The following TBL3 variants were observed in gnomAD, a reference collection of about 807,000 sequenced individuals.
The protein encoded by TBL3 is transducin beta-like protein 3.
TBL3 carries 71 observed loss-of-function variants against 102.7 expected under a neutral mutation model. The ratio of observed to expected loss-of-function variants is 0.69; its 90% CI spans 0.57 to 0.84. The LOEUF (loss-of-function observed/expected upper bound fraction) is 0.84. TBL3 is among the 40% of genes least tolerant of loss of function. TBL3 has a pLI of 0.00. For synonymous variants in TBL3, 578 were observed against 477.7 expected (o/e 1.21, Z -2.74); for missense variants, 1,188 against 1,098.5 (o/e 1.08, Z -1.15).
chr16:1,975,285 G>A, intron 8 of TBL3, 23 bp downstream of exon 8: 3 of 1,613,996 alleles, frequency 1.9e-6, no homozygotes, highest in African/African-American at 1.3e-5. Context: ...GGAGGCCAGG[G>A]CTGGTTGAGT....
Position 1,979,408 on chromosome 16 carries a change from C to T in TBL3, c.*723C>T. The T allele has an allele frequency of 1.2e-6, 2 of 1,603,274 alleles. No homozygotes were observed. Among genetic ancestry groups the T allele is most frequent in the Non-Finnish European group, 1.7e-6 (2 of 1,177,780 alleles). On this transcript the variant is annotated 3_prime_UTR_variant, in exon 22 of 22. Coordinates refer to ENST00000568546, the MANE Select transcript of TBL3 (RefSeq NM_006453.3). ...CGCCTCGGCTAGCCTGCCCTGCCCA[C>T]GCCCGCTCCCGCGTACCTGCATAGC...
chr16:1,979,969 A>G lies in TBL3; in HGVS notation c.*1284A>G. Reference sequence around the variant, plus strand: ...CCCTCGGGTCCAGGAGCAGAGGAGCAAATCCCTGGGTTCTTGGGGGGCCCT... The same window carrying G: ...CCCTCGGGTCCAGGAGCAGAGGAGCGAATCCCTGGGTTCTTGGGGGGCCCT... On this transcript the variant is annotated 3_prime_UTR_variant, in exon 22 of 22. Coordinates refer to ENST00000568546, the MANE Select transcript of TBL3 (RefSeq NM_006453.3). The G allele has an allele frequency of 6.3e-7, 1 of 1,590,774 alleles. No individual in the cohort carries two copies. The highest frequency in any genetic ancestry group is 8.6e-7 in the Non-Finnish European group (1 of 1,169,288).
At chr16:1,975,119 G>C in intron 7 of TBL3, 21 bp downstream of exon 7, 1 of 1,612,772 alleles carries the variant, frequency 6.2e-7, no homozygotes, top group Non-Finnish European at 8.5e-7. Flanking sequence ...GGCCCTGGTA[G>C]GAGGGGGAGG....
chr16:1,974,229 C>G lies in TBL3; in HGVS notation c.126C>G (p.Val42=). The change falls in exon 3 of 22, where the codon GTC becomes GTG. Residue 42 remains valine, a synonymous_variant. Coordinates refer to ENST00000568546, the MANE Select transcript of TBL3 (RefSeq NM_006453.3). ...AGACTGGCCAGCACCTCTTCTGCGTCTGTGGCACCAGAGTCAACATTCTGG... is the reference window on the plus strand; with the variant it reads ...AGACTGGCCAGCACCTCTTCTGCGTGTGTGGCACCAGAGTCAACATTCTGG... ...LDQTGQHLFC[V]CGTRVNILEV... 6.2e-7 allele frequency: 1 copy of G among 1,603,324 alleles called. No homozygotes were observed.
chr16:1,975,180 C>T lies in TBL3; in HGVS notation c.636-7C>T. 6.2e-7 allele frequency: 1 copy of T among 1,613,814 alleles called. No homozygotes were observed. Among genetic ancestry groups the T allele is most frequent in the Non-Finnish European group, 8.5e-7 (1 of 1,180,024 alleles). On this transcript the variant is annotated splice_polypyrimidine_tract_variant and splice_region_variant and intron_variant, in intron 7 of 21. Transcript: ENST00000568546. ...GACTTGACCTGAGGTTGCCGTTGCT[C>T]CTTCAGCTCCGGCCGTGACAAGATA... is the stretch of plus-strand genomic sequence containing the variant.
Position 1,976,303 on chromosome 16 carries a change from C to A in TBL3, c.1281C>A (p.Val427=). Reference sequence around the variant, plus strand: ...GTCACACACACAGTGTGGGCACCGTCTGCTGCTCTAGGTAGTGAGTCGGGG... The same window carrying A: ...GTCACACACACAGTGTGGGCACCGTATGCTGCTCTAGGTAGTGAGTCGGGG... ...GSGHTHSVGT[V]CCSRLKESFL... is the part of the protein sequence containing the mutation. The change falls in exon 13 of 22, where the codon GTC becomes GTA. Residue 427 remains valine (V), a synonymous_variant. Coordinates refer to ENST00000568546, the MANE Select transcript of TBL3 (RefSeq NM_006453.3). 4 of 1,613,462 alleles carry A rather than the reference C, an allele frequency of 2.5e-6. No individual in the cohort carries two copies. The highest frequency in any genetic ancestry group is 3.4e-6 in the Non-Finnish European group (4 of 1,179,774).
In TBL3 at chr16:1,975,074, G is replaced by C. The variant is rs751700167; in HGVS notation, c.611G>C (p.Ser204Thr). Residue 204 changes from serine (S) to threonine (T), a missense_variant, in exon 7 of 22, where the codon AGC becomes ACC. Coordinates refer to ENST00000568546, the MANE Select transcript of TBL3 (RefSeq NM_006453.3). ...AGCGCCGTCACCTCACTGGCCTTCA[G>C]CGCCGACGGCCACACCATGCTCAGG... ...HYSAVTSLAF[S>T]ADGHTMLSSG... The C allele has an allele frequency of 6.2e-7, 1 of 1,609,776 alleles. No individual in the cohort carries two copies. Among genetic ancestry groups the C allele is most frequent in the Non-Finnish European group, 8.5e-7 (1 of 1,179,986 alleles).
At chr16:1,973,706 C>G (rs1273334931) in intron 1 of TBL3, among the ~76,000 whole-genome samples, 2 of 152,036 alleles carry the variant, frequency 1.3e-5, no homozygotes, top group African/African-American at 4.8e-5. Context: ...GGCTGGCTAC[C>G]CAGGCCTGGC....
Position 1,979,769 on chromosome 16 carries a change from GGGGT to G in TBL3, c.*1088_*1091del. 6.7e-7 allele frequency: 1 copy of G among 1,487,400 alleles called. No individual in the cohort carries two copies. Among genetic ancestry groups the G allele is most frequent in the Non-Finnish European group, 9.0e-7 (1 of 1,107,082 alleles). The allele number at this position is 1,487,400 out of a possible 1,614,324, so 92.1% of individuals were successfully genotyped here. Reference sequence around the variant, plus strand: ...CGGTCAAGCCGCAGTGGTGGCGTGAGGGGTGGGGTTAGGCGCATACCGCTGCTCC... The same window carrying G: ...CGGTCAAGCCGCAGTGGTGGCGTGAGGGGGTTAGGCGCATACCGCTGCTCC... On this transcript the variant is annotated 3_prime_UTR_variant, in exon 22 of 22. Transcript: ENST00000568546.
chr16:1,977,998 C>T lies in TBL3; in HGVS notation c.1999C>T (p.Leu667=), dbSNP rs141024561. The change falls in exon 19 of 22, where the codon CTG becomes TTG. Residue 667 remains leucine (L), a synonymous_variant. Coordinates refer to ENST00000568546, the MANE Select transcript of TBL3 (RefSeq NM_006453.3). ...LDNLLHEKRY[L]RALGLAISLD... ...CAACCTGCTGCATGAGAAGCGGTAC[C>T]TGCGGGCGCTGGGCCTGGCCATCTC... The T allele has an allele frequency of 3.7e-5, 60 of 1,606,590 alleles. No individual in the cohort carries two copies. In the African/African-American group the frequency reaches 6.7e-4, roughly 18 times the overall value.
Position 1,980,267 on chromosome 16 carries a change from C to T in TBL3, c.*1582C>T. The T allele has an allele frequency of 6.6e-7, 1 of 1,517,596 alleles. No individual in the cohort carries two copies. The highest frequency in any genetic ancestry group is 8.8e-7 in the Non-Finnish European group (1 of 1,130,390). The allele number at this position is 1,517,596 out of a possible 1,614,324, so 94.0% of individuals were successfully genotyped here. ...GCCACCCCGGCAAGACCGCCAGCCT[C>T]CCACTCTCTGCCCCTATTCGCTGGC... On this transcript the variant is annotated 3_prime_UTR_variant, in exon 22 of 22. Transcript: ENST00000568546.
intron 20 of TBL3, 38 bp downstream of exon 20, chr16:1,978,258 G>A (rs746588735): frequency 1.2e-6 from 2 of 1,612,472 alleles, no homozygotes; most frequent in East Asian, 4.5e-5. Context: ...CGGTGGGCAA[G>A]GGCCAGTCAT....
rs1336440411 is a variant in TBL3, at chr16:1,974,908, C to T, written c.465-20C>T. 1 of 1,612,378 alleles carries T rather than the reference C, an allele frequency of 6.2e-7. No homozygotes were observed. Among genetic ancestry groups the T allele is most frequent in the South Asian group, 1.1e-5 (1 of 91,068 alleles). ...CACCCAGGCTGCACAGCTCACCCAT[C>T]CTGTCCCGTCCGCCCACAGCCTAGT... On this transcript the variant is annotated intron_variant, in intron 6 of 21. Transcript: ENST00000568546.
At chr16:1,973,364 A>G (rs1346392454) in intron 1 of TBL3, among the ~76,000 whole-genome samples, 6 of 152,110 alleles carry the variant, frequency 3.9e-5, no homozygotes, top group Admixed American at 2.0e-4. Flanking sequence ...CGGGAGGTGG[A>G]GCTTGCAGTG....
At position 1,978,154 on chromosome 16, in the gene TBL3, C is replaced by T. The variant is rs758826732; in HGVS notation, c.2068C>T (p.Arg690Trp). 1.8e-5 allele frequency: 29 copies of T among 1,612,616 alleles called. No homozygotes were observed. The highest frequency in any genetic ancestry group is 4.5e-5 in the East Asian group (2 of 44,896). Residue 690 changes from arginine to tryptophan, a missense_variant, in exon 20 of 22, where the codon CGG becomes TGG. By Grantham distance (101) the Arg-to-Trp change is moderately radical. Coordinates refer to ENST00000568546, the MANE Select transcript of TBL3 (RefSeq NM_006453.3). The part of the protein sequence containing the change: ...HTVLTVIQAI[R>W]RDPEACEKLE... ...AGCCTTCCCTTCTCCCACAGCCATC[C>T]GGAGGGACCCTGAGGCCTGCGAGAA...
chr16:1,979,497 T>A lies in TBL3; in HGVS notation c.*812T>A, dbSNP rs200329286. On this transcript the variant is annotated 3_prime_UTR_variant, in exon 22 of 22. Coordinates refer to ENST00000568546, the MANE Select transcript of TBL3 (RefSeq NM_006453.3). ...CGCCCCCGCGGGCACGGACAGCTCA[T>A]CTGCGCGGCTGCTCTCGTAGGCGCG... The A allele has an allele frequency of 1.1e-4, 177 of 1,611,772 alleles. No individual in the cohort carries two copies. Among genetic ancestry groups the A allele is most frequent in the Non-Finnish European group, 1.4e-4 (168 of 1,179,432 alleles).
Position 1,974,909 on chromosome 16 carries a change from C to A in TBL3, c.465-19C>A. 1 of 1,612,360 alleles carries A rather than the reference C, an allele frequency of 6.2e-7. No individual in the cohort carries two copies. Among genetic ancestry groups the A allele is most frequent in the Non-Finnish European group, 8.5e-7 (1 of 1,179,818 alleles). ...ACCCAGGCTGCACAGCTCACCCATC[C>A]TGTCCCGTCCGCCCACAGCCTAGTG... On this transcript the variant is annotated intron_variant, in intron 6 of 21. Transcript: ENST00000568546.
In TBL3 at chr16:1,974,113, A is replaced by G. The variant is rs774946658; in HGVS notation, c.93+6A>G. 4.4e-6 allele frequency: 7 copies of G among 1,585,604 alleles called. No individual in the cohort carries two copies. The Admixed American group carries it at 6.9e-5, about 16-fold the overall frequency. On this transcript the variant is annotated splice_donor_region_variant and intron_variant, in intron 2 of 21. Transcript: ENST00000568546. The stretch of plus-strand genomic sequence containing the variant: ...ACAAGGGCGGAAAAGCACAGGTACC[A>G]GCCTGGGGAAGGGCAGTGGGGCGGG...
In TBL3 at chr16:1,976,865, G is replaced by C. The variant is rs760019651; in HGVS notation, c.1344G>C (p.Leu448=). The C allele has an allele frequency of 6.2e-7, 1 of 1,613,816 alleles. No individual in the cohort carries two copies. The highest frequency in any genetic ancestry group is 8.5e-7 in the Non-Finnish European group (1 of 1,180,018). Residue 448 remains leucine, a synonymous_variant, in exon 14 of 22, where the codon CTG becomes CTC. Transcript: ENST00000568546. ...VTGSQDCTVK[L]WPLPKALLSK... ...GCAGCCAGGACTGCACTGTGAAGCT[G>C]TGGCCTCTTCCCAAAGCCTTGCTGT...
Sources: gnomAD v4.1 joint callset for allele counts (sites outside exome capture counted in the v4.1 genomes callset) on GRCh38, gnomAD v4.1.1 for gene constraint, MANE v1.5 for transcripts, NCBI Gene and HGNC (gene_info 2026-07-23, HGNC 2026-07-21) for gene names.